Variants in SPTAN1 observed in about 807,000 individuals in gnomAD.
SPTAN1 encodes spectrin alpha, non-erythrocytic 1.
SPTAN1 carries 61 observed loss-of-function variants against 331.3 expected under a neutral mutation model. That is an observed-to-expected ratio of 0.18 (90% CI 0.15 to 0.23). The LOEUF is 0.23. Among genes scored for constraint, SPTAN1 ranks in the 10% least tolerant of loss-of-function variants. The pLI, the probability that SPTAN1 is intolerant of heterozygous loss-of-function variation, is 1.00. For missense variants in SPTAN1, 2,043 were observed against 3,147.9 expected, an observed-to-expected ratio of 0.65 and a Z score of 8.40; for synonymous variants, 1,153 against 1,173.9, an observed-to-expected ratio of 0.98 and a Z score of 0.36.
At chr9:128,618,247 T>C in intron 43 of SPTAN1, 139 bp downstream of exon 43, 2 of 1,319,472 alleles carry the variant, frequency 1.5e-6, no homozygotes, top group South Asian at 1.3e-5. Context: ...GTCGGTTTGC[T>C]CCAGAGCCAC....
intron 31 of SPTAN1, among the ~76,000 whole-genome samples, chr9:128,606,018 A>G (rs1367940522): frequency 6.6e-6 from 1 of 152,048 alleles, no homozygotes; most frequent in Non-Finnish European, 1.5e-5. Context: ...TTAAAAACAG[A>G]AAAAAGTAGT....
chr9:128,585,364 A>G (rs1852460231), intron 18 of SPTAN1, among the ~76,000 whole-genome samples: 1 of 152,132 alleles, frequency 6.6e-6, no homozygotes, highest in Admixed American at 6.5e-5. Flanking sequence ...AACGGGGATG[A>G]CAGCACCTCT....
chr9:128,553,221 C>G (rs921986004), intron 1 of SPTAN1: 2 of 152,286 alleles, frequency 1.3e-5, no homozygotes, highest in Admixed American at 1.3e-4. Flanking sequence ...GTAAACGGCT[C>G]TCTGACCTTA....
At position 128,618,054 on chromosome 9, in the gene SPTAN1, G is replaced by A. The variant is rs760298084; in HGVS notation, c.5546G>A (p.Arg1849Gln). 23 of 1,613,960 alleles carry A rather than the reference G, an allele frequency of 1.4e-5. No homozygotes were observed. In the Admixed American group the frequency reaches 1.5e-4, roughly 11 times the overall value. The change falls in exon 43 of 57, where the codon CGG (arginine) becomes CAG (glutamine). Residue 1849 changes from arginine (R) to glutamine (Q), a missense_variant. Coordinates refer to ENST00000372739, the MANE Select transcript of SPTAN1 (RefSeq NM_001130438.3). ...NTIGKEEIQQ[R>Q]LAQFVEHWKE... ...ATCGGGAAAGAGGAGATCCAGCAGCGGCTGGCGCAGTTTGTGGAGCACTGG... is the reference window on the plus strand; with the variant it reads ...ATCGGGAAAGAGGAGATCCAGCAGCAGCTGGCGCAGTTTGTGGAGCACTGG...
At chr9:128,554,756 G>A (rs925652398) in intron 1 of SPTAN1, among the ~76,000 whole-genome samples, 1 of 152,246 alleles carries the variant, frequency 6.6e-6, no homozygotes, top group African/African-American at 2.4e-5. Context: ...GGAGGAGGAG[G>A]ACTGCATAGC....
At chr9:128,575,103 A>G (rs1851160081) in intron 4 of SPTAN1, 96 bp from the exon 5 acceptor site, 2 of 1,542,538 alleles carry the variant, frequency 1.3e-6, no homozygotes, top group South Asian at 1.1e-5. Context: ...TAAAGCTAAC[A>G]TGGCTCCGTC....
At chr9:128,605,589 A>G in intron 31 of SPTAN1, 112 bp downstream of exon 31, 1 of 1,395,302 alleles carries the variant, frequency 7.2e-7, no homozygotes, top group South Asian at 1.2e-5. Flanking sequence ...CACACCTATA[A>G]TCCAAGCACT....
intron 44 of SPTAN1, among the ~76,000 whole-genome samples, chr9:128,620,693 G>A (rs889617994): frequency 2.0e-5 from 3 of 151,818 alleles, no homozygotes; most frequent in African/African-American, 7.3e-5. Flanking sequence ...ACTCCAGCCT[G>A]GGCAATAGAG....
intron 2 of SPTAN1, among the ~76,000 whole-genome samples, chr9:128,568,420 G>T (rs137986838): frequency 6.6e-6 from 1 of 152,170 alleles, no homozygotes; most frequent in African/African-American, 2.4e-5. Flanking sequence ...TGTTGGTATG[G>T]TTCTGTATTT....
intron 41 of SPTAN1, 105 bp from the exon 42 acceptor site, chr9:128,617,535 A>T: frequency 1.3e-6 from 2 of 1,561,344 alleles, no homozygotes; most frequent in Non-Finnish European, 1.8e-6. Flanking sequence ...GGATTTTCCC[A>T]GAAAGATTAG....
chr9:128,598,916 T>G (rs1157595097), intron 25 of SPTAN1, 47 bp from the exon 26 acceptor site: 46 of 1,549,828 alleles, frequency 3.0e-5, no homozygotes, highest in Non-Finnish European at 3.8e-5. Context: ...TCTTGAGAGA[T>G]GTGTATTTCT....
chr9:128,569,023 TCTC>T, intron 3 of SPTAN1, 126 bp downstream of exon 3: 1 of 1,355,032 alleles, frequency 7.4e-7, no homozygotes, highest in South Asian at 1.2e-5. Context: ...ATTTATGAAG[TCTC>T]CTTAAGAAGT....
In SPTAN1 at chr9:128,627,146, C is replaced by G. The variant is rs767495066; in HGVS notation, c.6577-240C>G. ...CCATTTCTGACAGTCCAGCAACTCC[C>G]TGCTTGACTGACCAGTCGCTTCCCT... On this transcript the variant is annotated intron_variant, in intron 49 of 56. Coordinates refer to ENST00000372739, the MANE Select transcript of SPTAN1 (RefSeq NM_001130438.3). The surrounding 1 kb of genome is among the most constrained non-coding windows in gnomAD (Gnocchi z 4.9). 1.6e-6 allele frequency: 1 copy of G among 622,518 alleles called. No homozygotes were observed. The highest frequency in any genetic ancestry group is 3.0e-6 in the Non-Finnish European group (1 of 335,640). The allele number at this position is 622,518 out of a possible 1,614,324, so 38.6% of individuals were successfully genotyped here.
chr9:128,571,562 G>A (rs1272263483), intron 3 of SPTAN1, among the ~76,000 whole-genome samples: 4 of 152,102 alleles, frequency 2.6e-5, no homozygotes, highest in Non-Finnish European at 5.9e-5. Flanking sequence ...TCTGGCTTGG[G>A]CAACAAGAGC....
rs902956698 is a variant in SPTAN1 at position 128,566,996 on chromosome 9, G to A, written c.237+19G>A. ...CTTGCAGGTACGTCTGATCTCCTGG[G>A]ATTCCTGCCAAAATTCAAGAGCCCA... On this transcript the variant is annotated intron_variant, in intron 2 of 56. Transcript: ENST00000372739. The A allele has an allele frequency of 3.7e-6, 6 of 1,613,552 alleles. No homozygotes were observed. The highest frequency in any genetic ancestry group is 5.1e-6 in the Non-Finnish European group (6 of 1,180,014).
At chr9:128,554,090 GA>G (rs895491850) in intron 1 of SPTAN1, among the ~76,000 whole-genome samples, 4 of 150,982 alleles carry the variant, frequency 2.6e-5, no homozygotes, top group South Asian at 2.1e-4. Context: ...TGCTGCGGAG[GA>G]AAAAAAAAGT....
At chr9:128,572,016 TG>T (rs1231422486) in intron 3 of SPTAN1, among the ~76,000 whole-genome samples, 1 of 151,980 alleles carries the variant, frequency 6.6e-6, no homozygotes, top group Non-Finnish European at 1.5e-5. Context: ...ACAAGCACAC[TG>T]AGCTATTTTT....
At position 128,632,336 on chromosome 9, in the gene SPTAN1, G is replaced by T. The variant is rs1311356300; in HGVS notation, c.6959+13G>T. 2.5e-6 allele frequency: 4 copies of T among 1,613,446 alleles called. No individual in the cohort carries two copies. The African/African-American group carries it at 5.3e-5, about 22-fold the overall frequency. Reference sequence around the variant, plus strand: ...AGATCCAGGCCAGGTACCCGGGAGGGCTGTGGGCCAGGCTCAGCCCAGAGC... The same window carrying T: ...AGATCCAGGCCAGGTACCCGGGAGGTCTGTGGGCCAGGCTCAGCCCAGAGC... On this transcript the variant is annotated intron_variant, in intron 53 of 56. Transcript: ENST00000372739.
rs1461072315 is a variant in SPTAN1, at chr9:128,581,018, C to T, written c.1420C>T (p.Arg474Trp). 2.5e-6 allele frequency: 4 copies of T among 1,614,074 alleles called. No homozygotes were observed. The highest frequency in any genetic ancestry group is 3.4e-6 in the Non-Finnish European group (4 of 1,180,040). ...EQCMDLQLFYRDTEQVDNWMS... is the reference protein window; with the variant it reads ...EQCMDLQLFYWDTEQVDNWMS... ...GTGCATGGACCTGCAGCTCTTCTAC[C>T]GGGACACTGAGCAGGTGGACAACTG... The change falls in exon 11 of 57, where the codon CGG becomes TGG. Residue 474 changes from arginine (R) to tryptophan (W), a missense_variant. Around this residue, in one of 12 missense-constraint regions of SPTAN1, gnomAD observed 1,038 missense variants for 1,531.5 expected, o/e 0.68. Transcript: ENST00000372739.
Sources: allele counts gnomAD v4.1 joint callset (sites outside exome capture counted in the v4.1 genomes callset), GRCh38; gene constraint gnomAD v4.1.1; regional missense constraint gnomAD v4.1.1; non-coding constraint Gnocchi (gnomAD v3.1); transcripts MANE v1.5; gene names NCBI Gene and HGNC (gene_info 2026-07-23, HGNC 2026-07-21).